FOXK1: variants seen among roughly 807,000 people sequenced by gnomAD.
The protein encoded by FOXK1 is forkhead box protein K1.
In FOXK1, 19 loss-of-function variants were observed where a neutral mutation model predicts 51.9. The observed-to-expected ratio is 0.37, with a 90% CI of 0.26 to 0.54. The LOEUF (loss-of-function observed/expected upper bound fraction) is 0.54, where lower values mean the gene tolerates loss of function less well. Among genes scored for constraint, FOXK1 ranks in the 20% least tolerant of loss-of-function variants. The pLI is 0.87. For synonymous variants in FOXK1, 537 were observed against 482.6 expected (o/e 1.11, Z -1.48); for missense variants, 870 against 1,032.7 (o/e 0.84, Z 2.16).
intron 1 of FOXK1, among the ~76,000 whole-genome samples, chr7:4,736,381 A>G (rs982778603): frequency 2.0e-5 from 3 of 151,598 alleles, no homozygotes; most frequent in South Asian, 4.2e-4. Context: ...TGAAAACTCA[A>G]TACATATGTA....
At position 4,749,708 on chromosome 7, in the gene FOXK1, T is replaced by G. The variant is rs1303542622; in HGVS notation, c.747-4751T>G. 6.6e-6 allele frequency among the ~76,000 whole-genome samples: 1 copy of G among 152,188 alleles called. No individual in the cohort carries two copies. Among genetic ancestry groups the G allele is most frequent in the African/African-American group, 2.4e-5 (1 of 41,458 alleles). On this transcript the variant is annotated intron_variant, in intron 2 of 8. Coordinates refer to ENST00000328914, the MANE Select transcript of FOXK1 (RefSeq NM_001037165.2). The surrounding 1 kb of genome is among the most constrained non-coding windows in gnomAD (Gnocchi z 6.0). The stretch of plus-strand genomic sequence containing the variant: ...CCCTAGGCCTCTCAGGGTGGCCTTC[T>G]CAGCCTCAGAGCAGAGCCAAGGGCA...
chr7:4,725,992 C>G (rs753065682), intron 1 of FOXK1, among the ~76,000 whole-genome samples: 2 of 150,082 alleles, frequency 1.3e-5, no homozygotes, highest in East Asian at 2.0e-4. Context: ...GACACTGTCC[C>G]TGTTTTCTTT....
chr7:4,751,325 G>A (rs1780775042), intron 2 of FOXK1, among the ~76,000 whole-genome samples: 2 of 151,910 alleles, frequency 1.3e-5, no homozygotes, highest in African/African-American at 2.4e-5. Context: ...GATTACAAGC[G>A]TGAGCCACCG....
chr7:4,762,443 G>A lies in FOXK1; in HGVS notation c.2181G>A (p.Gln727=). ...GAGTGATCGCAGCTGCCGGCCCCCA[G>A]GGGCCAGGCACCGGGGAGTGAGGTC... ...PAGVIAAAGP[Q]GPGTGE is the part of the protein sequence containing the mutation. The change falls in exon 9 of 9, where the codon CAG becomes CAA. Residue 727 remains glutamine (Q), a synonymous_variant. Transcript: ENST00000328914. The surrounding 1 kb of genome is among the most constrained non-coding windows in gnomAD (Gnocchi z 5.7). 6.5e-7 allele frequency: 1 copy of A among 1,545,354 alleles called. No individual in the cohort carries two copies. Among genetic ancestry groups the A allele is most frequent in the South Asian group, 1.2e-5 (1 of 83,958 alleles).
In FOXK1 at chr7:4,753,556, C is replaced by G. The variant is rs1320100132; in HGVS notation, c.747-903C>G. Among the ~76,000 whole-genome samples the G allele has an allele frequency of 1.3e-5, 2 of 152,136 alleles. No individual in the cohort carries two copies. Among genetic ancestry groups the G allele is most frequent in the Non-Finnish European group, 2.9e-5 (2 of 68,010 alleles). On this transcript the variant is annotated intron_variant, in intron 2 of 8. Coordinates refer to ENST00000328914, the MANE Select transcript of FOXK1 (RefSeq NM_001037165.2). This position sits in a 1 kb window ranked among gnomAD's most constrained non-coding sequence, Gnocchi z 4.9. ...GGGCAGGGTCCATCTCAGGACGGGG[C>G]TAGGTGGGTGCCCGTGAGCTCAGGA...
At position 4,764,866 on chromosome 7, in the gene FOXK1, G is replaced by C. The variant is rs149849458; in HGVS notation, c.*2402G>C. The C allele has an allele frequency of 3.7e-3, 557 of 152,460 alleles. No individual in the cohort carries two copies. Among genetic ancestry groups the C allele is most frequent in the Non-Finnish European group, 6.6e-3 (449 of 68,132 alleles). 9.4% of individuals were successfully genotyped at this position (152,460 alleles called of 1,614,324 possible). A position where few individuals can be genotyped will look rare whatever the true frequency, so the allele number is the denominator to read the frequency against. ...TCGCCTTTTGGCCTGGTCTGCTCAG[G>C]CTGGCCCTGACCCACGTGGTTTCCT... On this transcript the variant is annotated 3_prime_UTR_variant, in exon 9 of 9. Transcript: ENST00000328914.
In FOXK1 at chr7:4,747,797, C is replaced by A. The variant is rs1257489898; in HGVS notation, c.747-6662C>A. Among the ~76,000 whole-genome samples the A allele has an allele frequency of 6.6e-6, 1 of 151,996 alleles. No individual in the cohort carries two copies. The highest frequency in any genetic ancestry group is 2.4e-5 in the African/African-American group (1 of 41,380). On this transcript the variant is annotated intron_variant, in intron 2 of 8. Transcript: ENST00000328914. The surrounding 1 kb of genome is among the most constrained non-coding windows in gnomAD (Gnocchi z 9.2). ...TTCCCACCTTGACCTCCCAAAGTGC[C>A]AAGATTACAAGCCTGGGCCTGTTTT...
rs750885684 is a variant in FOXK1 at position 4,761,166 on chromosome 7, C to T, written c.1799C>T (p.Thr600Met). 9.9e-6 allele frequency: 16 copies of T among 1,612,580 alleles called. No homozygotes were observed. The highest frequency in any genetic ancestry group is 6.7e-5 in the East Asian group (3 of 44,876). The change falls in exon 8 of 9, where the codon ACG (threonine) becomes ATG (methionine). Residue 600 changes from threonine (T) to methionine (M), a missense_variant. Around this residue, in one of 3 missense-constraint regions of FOXK1, gnomAD observed 457 missense variants for 510.8 expected, o/e 0.89. Coordinates refer to ENST00000328914, the MANE Select transcript of FOXK1 (RefSeq NM_001037165.2). This position sits in a 1 kb window ranked among gnomAD's most constrained non-coding sequence, Gnocchi z 6.2. The stretch of plus-strand genomic sequence containing the variant: ...ATGGCCCCCGGGGTCCCCGGACACA[C>T]GGTCACCATCCTGCAGCCCGCCACA... ...SQMAPGVPGH[T>M]VTILQPATPV...
rs540989747 is a variant in FOXK1, at chr7:4,721,018, C to T, written c.561-19820C>T. ...TCGGCCTCCCAAATTTAGCTTTTTACCTAGGTCTTTTTTGTCTTTCAGTTA... is the reference window on the plus strand; with the variant it reads ...TCGGCCTCCCAAATTTAGCTTTTTATCTAGGTCTTTTTTGTCTTTCAGTTA... On this transcript the variant is annotated intron_variant, in intron 1 of 8. Transcript: ENST00000328914. 1.4e-4 allele frequency among the ~76,000 whole-genome samples: 22 copies of T among 152,214 alleles called. No individual in the cohort carries two copies. The South Asian group carries it at 4.6e-3, about 32-fold the overall frequency.
At chr7:4,704,450 CAAA>C (rs3050383) in intron 1 of FOXK1, among the ~76,000 whole-genome samples, 6 of 66,464 alleles carry the variant, frequency 9.0e-5, no homozygotes, top group Admixed American at 3.3e-4. Context: ...GACTCTGTCT[CAAA>C]AAAAAAAAAA....
At chr7:4,727,612 C>G (rs1780397295) in intron 1 of FOXK1, among the ~76,000 whole-genome samples, 1 of 152,204 alleles carries the variant, frequency 6.6e-6, no homozygotes, top group African/African-American at 2.4e-5. Context: ...CGGCGCCCGG[C>G]CTGATTTTGC....
rs1012773796 is a variant in FOXK1 at position 4,745,417 on chromosome 7, G to A, written c.746+4394G>A. On this transcript the variant is annotated intron_variant, in intron 2 of 8. Coordinates refer to ENST00000328914, the MANE Select transcript of FOXK1 (RefSeq NM_001037165.2). The surrounding 1 kb of genome is among the most constrained non-coding windows in gnomAD (Gnocchi z 4.3). ...CCTGCGTCCTTCCTTTCCGTTTCTC[G>A]CAGGCCCTCGCTCCTTTTCCCAGGG... Among the ~76,000 whole-genome samples, 2 of 151,580 alleles carry A rather than the reference G, an allele frequency of 1.3e-5. No individual in the cohort carries two copies. The highest frequency in any genetic ancestry group is 4.8e-5 in the African/African-American group (2 of 41,286).
chr7:4,751,888 C>A (rs1359765399), intron 2 of FOXK1, among the ~76,000 whole-genome samples: 2 of 152,240 alleles, frequency 1.3e-5, no homozygotes, highest in Non-Finnish European at 2.9e-5. Flanking sequence ...GCCAACCTTT[C>A]TTATTTCCAC....
At chr7:4,717,041 CGTGGCTGGGAG>C (rs1403168053) in intron 1 of FOXK1, among the ~76,000 whole-genome samples, 6 of 107,292 alleles carry the variant, frequency 5.6e-5, no homozygotes, top group African/African-American at 1.5e-4. Flanking sequence ...CTGGGAGGCA[CGTGGCTGGGAG>C]GTGGCTGGGA....
intron 1 of FOXK1, among the ~76,000 whole-genome samples, chr7:4,717,375 G>A (rs1477210760): frequency 2.0e-5 from 3 of 148,302 alleles, no homozygotes; most frequent in South Asian, 2.1e-4. Context: ...AGATGGTGGC[G>A]GGAGGCATAT....
intron 1 of FOXK1, among the ~76,000 whole-genome samples, chr7:4,697,648 T>G (rs1432834131): frequency 6.6e-6 from 1 of 152,078 alleles, no homozygotes; most frequent in African/African-American, 2.4e-5. Context: ...CCACATTTCT[T>G]GTCAGGTTGA....
rs570980689 is a variant in FOXK1, at chr7:4,700,267, A to C, written c.560+17399A>C. 3.3e-5 allele frequency among the ~76,000 whole-genome samples: 5 copies of C among 152,354 alleles called. No individual in the cohort carries two copies. In the East Asian group the frequency reaches 9.6e-4, roughly 29 times the overall value. Reference sequence around the variant, plus strand: ...GTACATACCAATATGCTTGGCACATAGTTGGCACTTTGTAAATATTTGTGG... The same window carrying C: ...GTACATACCAATATGCTTGGCACATCGTTGGCACTTTGTAAATATTTGTGG... On this transcript the variant is annotated intron_variant, in intron 1 of 8. Transcript: ENST00000328914.
chr7:4,737,069 G>A (rs895553740), intron 1 of FOXK1, among the ~76,000 whole-genome samples: 5 of 152,198 alleles, frequency 3.3e-5, no homozygotes, highest in Admixed American at 1.3e-4. Context: ...GTGCATGTGC[G>A]TGTGCAAATG....
chr7:4,694,144 C>T (rs905267311), intron 1 of FOXK1, among the ~76,000 whole-genome samples: 1 of 152,206 alleles, frequency 6.6e-6, no homozygotes, highest in Non-Finnish European at 1.5e-5. Flanking sequence ...ACCTGGGCTT[C>T]CCAAAATGCT....
Sources: gnomAD v4.1 joint callset for allele counts (sites outside exome capture counted in the v4.1 genomes callset) on GRCh38, gnomAD v4.1.1 for gene constraint, gnomAD v4.1.1 regional missense constraint, Gnocchi (gnomAD v3.1) non-coding constraint, MANE v1.5 for transcripts, NCBI Gene and HGNC (gene_info 2026-07-23, HGNC 2026-07-21) for gene names.